AGMO: variants seen among roughly 807,000 people sequenced by gnomAD.
AGMO encodes the protein alkylglycerol monooxygenase.
Under a neutral mutation model 60.2 loss-of-function variants are expected in AGMO, and 75 were observed. The ratio of observed to expected loss-of-function variants is 1.25; its 90% CI spans 1.03 to 1.51. The LOEUF is 1.51. Among genes scored for constraint, AGMO ranks in the 40% most tolerant of loss-of-function variants. AGMO has a pLI of 0.00. For missense variants in AGMO, 763 were observed against 525.5 expected (o/e 1.45, Z -4.42); for synonymous variants, 261 against 177.1 (o/e 1.47, Z -3.76).
chr7:15,173,081 AAT>A, the AGMO span, among the ~76,000 whole-genome samples: 2 of 152,168 alleles, frequency 1.3e-5, no homozygotes, highest in Non-Finnish European at 2.9e-5. Context: ...TTGAAAAGTA[AAT>A]ATGTTACATA....
intron 12 of AGMO, among the ~76,000 whole-genome samples, chr7:15,213,977 A>G (rs1781666416): frequency 6.6e-6 from 1 of 152,020 alleles, no homozygotes; most frequent in Admixed American, 6.6e-5. Context: ...ATAGTTCAAC[A>G]AACACAGATT....
At chr7:15,436,709 C>T (rs759260967) in intron 3 of AGMO, among the ~76,000 whole-genome samples, 6 of 151,940 alleles carry the variant, frequency 3.9e-5, no homozygotes, top group Non-Finnish European at 5.9e-5. Flanking sequence ...TCATTGTTCT[C>T]TTTCTCAACA....
the AGMO span, among the ~76,000 whole-genome samples, chr7:15,145,045 G>A: frequency 6.6e-6 from 1 of 152,108 alleles, no homozygotes; most frequent in East Asian, 1.9e-4. Flanking sequence ...AGCCAGGATG[G>A]GCTCGATTTC....
chr7:15,271,642 T>G (rs1465383356), intron 12 of AGMO, among the ~76,000 whole-genome samples: 1 of 152,184 alleles, frequency 6.6e-6, no homozygotes, highest in East Asian at 1.9e-4. Flanking sequence ...TCTTTTTCAA[T>G]TTGGATGCCT....
chr7:15,274,057 G>A (rs1783704110), intron 12 of AGMO, among the ~76,000 whole-genome samples: 1 of 152,150 alleles, frequency 6.6e-6, no homozygotes, highest in South Asian at 2.1e-4. Flanking sequence ...ATACAATCAT[G>A]TCATCTGCAA....
At chr7:15,180,344 A>T in the AGMO span, among the ~76,000 whole-genome samples, 53,251 of 151,840 alleles carry the variant, frequency 0.35, 10,552 homozygotes, top group Middle Eastern at 0.46. Flanking sequence ...CTATTTAGAT[A>T]TTTTTTTTCA....
intron 12 of AGMO, among the ~76,000 whole-genome samples, chr7:15,255,866 C>G (rs985944333): frequency 6.6e-6 from 1 of 151,988 alleles, no homozygotes; most frequent in Non-Finnish European, 1.5e-5. Context: ...TTTTGTAAAG[C>G]ACCATGATGA....
chr7:15,519,868 G>T (rs1189356656), intron 3 of AGMO, among the ~76,000 whole-genome samples: 1 of 151,742 alleles, frequency 6.6e-6, no homozygotes, highest in African/African-American at 2.4e-5. Flanking sequence ...TGGCAAATTG[G>T]AGAAAGAGTC....
At chr7:15,166,563 T>C in the AGMO span, among the ~76,000 whole-genome samples, 1 of 152,144 alleles carries the variant, frequency 6.6e-6, no homozygotes, top group African/African-American at 2.4e-5. Context: ...ACAGGATCCA[T>C]CTTACGTTTT....
intron 12 of AGMO, among the ~76,000 whole-genome samples, chr7:15,304,005 C>T (rs1780533160): frequency 6.6e-6 from 1 of 152,064 alleles, no homozygotes; most frequent in Non-Finnish European, 1.5e-5. Context: ...TCCATGAACT[C>T]CTAGAGGCCC....
At chr7:15,185,612 G>A in the AGMO span, among the ~76,000 whole-genome samples, 4 of 152,142 alleles carry the variant, frequency 2.6e-5, no homozygotes, top group Non-Finnish European at 4.4e-5. Flanking sequence ...TCCTGCTCAC[G>A]GAGGCCAGGT....
intron 12 of AGMO, among the ~76,000 whole-genome samples, chr7:15,355,504 C>CAAA (rs56695710): frequency 0.2 from 16,523 of 81,528 alleles, 1,958 homozygotes; most frequent in East Asian, 0.21. Context: ...GACTCTGTCT[C>CAAA]AAAAAAAAAA....
intron 12 of AGMO, among the ~76,000 whole-genome samples, chr7:15,313,426 C>G (rs1331148095): frequency 6.6e-6 from 1 of 152,130 alleles, no homozygotes; most frequent in Non-Finnish European, 1.5e-5. Context: ...TACTTTGGCC[C>G]ATATTCAGTC....
In AGMO at chr7:15,292,806, G is replaced by A. The variant is rs1784310498; in HGVS notation, c.1263+72708C>T. ...TAGTCTCACTCTTGTCTCCCAAGCT[G>A]GAGTGCAGTGGCGTGATCTCGGCTC... On this transcript the variant is annotated intron_variant, in intron 12 of 12. Coordinates refer to ENST00000342526, the MANE Select transcript of AGMO (RefSeq NM_001004320.2). Among the ~76,000 whole-genome samples the A allele has an allele frequency of 2.5e-5, 3 of 122,146 alleles. No homozygotes were observed. In the South Asian group the frequency reaches 7.8e-4, roughly 32 times the overall value. The allele number at this position is 122,146 out of a possible 152,430, so 80.1% of individuals were successfully genotyped here.
At chr7:15,159,013 T>C in the AGMO span, among the ~76,000 whole-genome samples, 1 of 152,146 alleles carries the variant, frequency 6.6e-6, no homozygotes, top group Admixed American at 6.6e-5. Flanking sequence ...GCAACTAATA[T>C]GTGTATATCT....
chr7:15,226,870 T>C (rs1251399018), intron 12 of AGMO, among the ~76,000 whole-genome samples: 1 of 152,044 alleles, frequency 6.6e-6, no homozygotes, highest in Non-Finnish European at 1.5e-5. Flanking sequence ...GAAAACGTCA[T>C]TATAAAATCA....
At chr7:15,417,047 C>T (rs541134147) in intron 5 of AGMO, among the ~76,000 whole-genome samples, 8 of 152,206 alleles carry the variant, frequency 5.3e-5, no homozygotes, top group East Asian at 3.9e-4. Flanking sequence ...TGTAACTACA[C>T]GGTTGAGAAA....
rs139662163 is a variant in AGMO at position 15,468,485 on chromosome 7, CAT to C, written c.410-37379_410-37378del. The stretch of plus-strand genomic sequence containing the variant: ...TGTACATGTATAACACATAGCTGTA[CAT>C]GTTTTAAACATGTAATAATTATACA... On this transcript the variant is annotated intron_variant, in intron 3 of 12. Coordinates refer to ENST00000342526, the MANE Select transcript of AGMO (RefSeq NM_001004320.2). 7.2e-3 allele frequency among the ~76,000 whole-genome samples: 1,101 copies of C among 152,076 alleles called. 18 individuals carry two copies. Among genetic ancestry groups the C allele is most frequent in the African/African-American group, 0.025 (1,041 of 41,506 alleles).
At chr7:15,126,011 T>C in the AGMO span, among the ~76,000 whole-genome samples, 1 of 152,130 alleles carries the variant, frequency 6.6e-6, no homozygotes, top group African/African-American at 2.4e-5. Flanking sequence ...ATTCAAATGC[T>C]AGGATTGCTT....
Sources: gnomAD v4.1 joint callset for allele counts (sites outside exome capture counted in the v4.1 genomes callset) on GRCh38, gnomAD v4.1.1 for gene constraint, MANE v1.5 for transcripts, NCBI Gene and HGNC (gene_info 2026-07-23, HGNC 2026-07-21) for gene names.